Variants in TBL1XR1 observed in about 807,000 individuals in gnomAD.
TBL1XR1 encodes the protein TBL1X/Y related 1.
In TBL1XR1, 5 loss-of-function variants were observed where a neutral mutation model predicts 66.9. The observed-to-expected ratio is 0.07, with a 90% CI of 0.04 to 0.16. The LOEUF (loss-of-function observed/expected upper bound fraction) is 0.16, where lower values mean the gene tolerates loss of function less well. Among genes scored for constraint, TBL1XR1 ranks in the 10% least tolerant of loss-of-function variants. TBL1XR1 has a pLI of 1.00. For missense variants in TBL1XR1, 238 were observed against 623.2 expected (o/e 0.38, Z 6.58); for synonymous variants, 210 against 206.0 (o/e 1.02, Z -0.17).
At chr3:177,044,832 C>T (rs1405115081) in intron 10 of TBL1XR1, 3 of 152,126 alleles carry the variant, frequency 2.0e-5, no homozygotes, top group African/African-American at 7.2e-5. Context: ...AGAGTTGGTA[C>T]TAATCATATG....
In TBL1XR1 at chr3:177,060,982, TTTG is replaced by T. The variant is rs933223950; in HGVS notation, c.58+3935_58+3937del. 5.6e-4 allele frequency among the ~76,000 whole-genome samples: 85 copies of T among 152,354 alleles called. 1 individual carries two copies. Among genetic ancestry groups the T allele is most frequent in the African/African-American group, 1.9e-3 (79 of 41,582 alleles). On this transcript the variant is annotated intron_variant, in intron 3 of 15. Transcript: ENST00000457928. ...AAATCATTTTATTCCCTAGGAAATA[TTTG>T]TTGAATAGGGAAGTCCACTTCATAA...
chr3:177,153,197 A>G (rs535388222), intron 1 of TBL1XR1, among the ~76,000 whole-genome samples: 2 of 152,184 alleles, frequency 1.3e-5, no homozygotes, highest in African/African-American at 2.4e-5. Flanking sequence ...TTCTATACTC[A>G]GTGAATATAT....
chr3:177,062,653 C>T (rs1304856233), intron 3 of TBL1XR1, among the ~76,000 whole-genome samples: 1 of 152,156 alleles, frequency 6.6e-6, no homozygotes, highest in Non-Finnish European at 1.5e-5. Context: ...ATCACCACTA[C>T]ACTGTAAAGT....
chr3:177,073,857 G>A (rs1192298437), intron 2 of TBL1XR1, among the ~76,000 whole-genome samples: 2 of 152,112 alleles, frequency 1.3e-5, no homozygotes, highest in African/African-American at 4.8e-5. Context: ...TGTTTGTTTT[G>A]CCCAGACTCA....
At chr3:177,109,951 C>T (rs1471945524) in intron 1 of TBL1XR1, among the ~76,000 whole-genome samples, 2 of 152,096 alleles carry the variant, frequency 1.3e-5, no homozygotes, top group Non-Finnish European at 2.9e-5. Context: ...TGGTGTTGTC[C>T]GCTTACTACT....
intron 1 of TBL1XR1, chr3:177,131,268 A>G: frequency 1.1e-6 from 1 of 904,386 alleles, no homozygotes; most frequent in Non-Finnish European, 1.3e-6. Context: ...ACACACAAAA[A>G]AAGTCAAAAG....
intron 5 of TBL1XR1, among the ~76,000 whole-genome samples, 165 bp from the exon 6 acceptor site, chr3:177,050,775 A>G (rs754865119): frequency 4.0e-5 from 6 of 151,494 alleles, no homozygotes; most frequent in Admixed American, 1.3e-4. Context: ...AGTCACACAG[A>G]AAATAAATTC....
intron 1 of TBL1XR1, among the ~76,000 whole-genome samples, chr3:177,143,286 G>A (rs992508773): frequency 4.6e-5 from 7 of 151,734 alleles, no homozygotes; most frequent in Non-Finnish European, 1.0e-4. Flanking sequence ...GCATATTCCC[G>A]TAGGAGCGAT....
intron 1 of TBL1XR1, among the ~76,000 whole-genome samples, chr3:177,157,583 C>G (rs1173917040): frequency 6.6e-6 from 1 of 152,188 alleles, no homozygotes; most frequent in African/African-American, 2.4e-5. Flanking sequence ...CATCAAGGCT[C>G]TTAATCACAT....
chr3:177,111,338 T>C (rs890865364), intron 1 of TBL1XR1, among the ~76,000 whole-genome samples: 2 of 151,796 alleles, frequency 1.3e-5, no homozygotes, highest in Non-Finnish European at 2.9e-5. Context: ...AGTGGCGCTA[T>C]CTCGGCTCAC....
chr3:177,087,111 TG>T (rs1199098101), intron 2 of TBL1XR1: 2 of 147,204 alleles, frequency 1.4e-5, no homozygotes, highest in African/African-American at 5.1e-5. Flanking sequence ...TAGATGCAAC[TG>T]TACTTTTAAA....
intron 1 of TBL1XR1, among the ~76,000 whole-genome samples, chr3:177,109,147 T>C (rs1425162355): frequency 6.6e-6 from 1 of 152,226 alleles, no homozygotes; most frequent in African/African-American, 2.4e-5. Flanking sequence ...ATATTTGTAA[T>C]TAATTTTTAA....
intron 14 of TBL1XR1, 46 bp from the exon 15 acceptor site, chr3:177,026,520 TA>T: frequency 1.5e-6 from 2 of 1,353,690 alleles, no homozygotes; most frequent in Non-Finnish European, 2.0e-6. Flanking sequence ...ATACATATTA[TA>T]ATAAATCCAA....
intron 1 of TBL1XR1, among the ~76,000 whole-genome samples, chr3:177,143,085 CA>C (rs2108825447): frequency 6.6e-6 from 1 of 150,668 alleles, no homozygotes; most frequent in East Asian, 1.9e-4. Flanking sequence ...TTGCTAAGTA[CA>C]AAAAGGCTGC....
At chr3:177,114,293 G>C (rs1177247221) in intron 1 of TBL1XR1, among the ~76,000 whole-genome samples, 1 of 149,710 alleles carries the variant, frequency 6.7e-6, no homozygotes, top group Non-Finnish European at 1.5e-5. Context: ...CATATATATG[G>C]ATACATATAT....
intron 1 of TBL1XR1, among the ~76,000 whole-genome samples, chr3:177,104,729 C>T (rs1724658979): frequency 6.6e-6 from 1 of 152,116 alleles, no homozygotes. Context: ...AAAAAGAAAA[C>T]AATTTAAACA....
At chr3:177,098,324 A>T (rs1316577979) in intron 2 of TBL1XR1, 142 bp downstream of exon 2, 1 of 249,276 alleles carries the variant, frequency 4.0e-6, no homozygotes, top group Non-Finnish European at 6.4e-6. Flanking sequence ...ATTTAAAAAG[A>T]ATAAAAAATT....
chr3:177,111,136 C>T (rs747517094), intron 1 of TBL1XR1, among the ~76,000 whole-genome samples: 7 of 152,074 alleles, frequency 4.6e-5, no homozygotes, highest in Non-Finnish European at 8.8e-5. Context: ...ATTGTCTTTG[C>T]ACCTCTCCCT....
At chr3:177,191,314 G>C (rs1736114079) in intron 1 of TBL1XR1, among the ~76,000 whole-genome samples, 1 of 152,134 alleles carries the variant, frequency 6.6e-6, no homozygotes, top group African/African-American at 2.4e-5. Context: ...GAATAAGAAA[G>C]GTTGCTCAGG....
Sources: gnomAD v4.1 joint callset for allele counts (sites outside exome capture counted in the v4.1 genomes callset) on GRCh38, gnomAD v4.1.1 for gene constraint, MANE v1.5 for transcripts, NCBI Gene and HGNC (gene_info 2026-07-23, HGNC 2026-07-21) for gene names.